The following TUSC3 variants were observed in gnomAD, a reference collection of about 807,000 sequenced individuals.
The protein encoded by TUSC3 is dolichyl-diphosphooligosaccharide--protein glycosyltransferase subunit TUSC3.
Under a neutral mutation model 44.8 loss-of-function variants are expected in TUSC3, and 45 were observed. The ratio of observed to expected loss-of-function variants is 1.00; its 90% CI spans 0.79 to 1.29. The LOEUF is 1.29. Ranked by LOEUF, TUSC3 falls within the 50% of genes most tolerant of loss-of-function variation. The pLI, the probability that TUSC3 is intolerant of heterozygous loss-of-function variation, is 0.00. For missense variants in TUSC3, 519 were observed against 437.9 expected (o/e 1.19, Z -1.65); for synonymous variants, 212 against 152.9 (o/e 1.39, Z -2.85).
chr8:15,473,621 T>A (rs1053742756), intron 1 of TUSC3, among the ~76,000 whole-genome samples: 4 of 151,750 alleles, frequency 2.6e-5, no homozygotes, highest in Non-Finnish European at 4.4e-5. Flanking sequence ...ACTCCGGGGG[T>A]GACATCATAT....
intron 1 of TUSC3, among the ~76,000 whole-genome samples, chr8:15,598,507 T>C (rs1296857171): frequency 1.3e-5 from 2 of 151,988 alleles, no homozygotes; most frequent in Non-Finnish European, 1.5e-5. Flanking sequence ...GGTTCATTCT[T>C]GGTGTTGTAT....
chr8:15,520,960 AC>A (rs1210625088), intron 2 of TUSC3, among the ~76,000 whole-genome samples: 1 of 152,342 alleles, frequency 6.6e-6, no homozygotes, highest in East Asian at 1.9e-4. Context: ...CAGTTATTTT[AC>A]TTGGAGATTG....
intron 1 of TUSC3, among the ~76,000 whole-genome samples, chr8:15,457,033 C>T (rs954386350): frequency 9.9e-5 from 15 of 151,892 alleles, no homozygotes; most frequent in African/African-American, 3.1e-4. Context: ...TCAAGAAAAG[C>T]AGAAACCATC....
chr8:15,807,199 T>C, the TUSC3 span: 2 of 733,706 alleles, frequency 2.7e-6, no homozygotes, highest in African/African-American at 1.7e-5. Flanking sequence ...CAACCTTGCA[T>C]GCTGCGTAGC....
intron 2 of TUSC3, among the ~76,000 whole-genome samples, chr8:15,514,165 T>C (rs10112847): frequency 0.96 from 146,557 of 152,118 alleles, 70,833 homozygotes; most frequent in East Asian, 1. Context: ...CGCCGCATTA[T>C]TTAAGGGAGT....
chr8:15,812,563 A>C, the TUSC3 span, among the ~76,000 whole-genome samples: 2 of 152,122 alleles, frequency 1.3e-5, no homozygotes, highest in African/African-American at 2.4e-5. Context: ...TTTCTCACTG[A>C]GCAAATACAT....
intron 7 of TUSC3, among the ~76,000 whole-genome samples, chr8:15,736,254 A>G (rs571919995): frequency 2.3e-4 from 35 of 152,292 alleles, no homozygotes; most frequent in African/African-American, 7.9e-4. Flanking sequence ...AGTGCAAATA[A>G]TTCTTCATTT....
At chr8:15,494,945 A>G (rs900049551) in intron 2 of TUSC3, among the ~76,000 whole-genome samples, 7 of 152,140 alleles carry the variant, frequency 4.6e-5, no homozygotes, top group Non-Finnish European at 7.3e-5. Flanking sequence ...TCTTAATAGC[A>G]AAAACATTGT....
intron 1 of TUSC3, among the ~76,000 whole-genome samples, chr8:15,466,319 C>T (rs1264602117): frequency 6.6e-6 from 1 of 152,084 alleles, no homozygotes; most frequent in Non-Finnish European, 1.5e-5. Flanking sequence ...GGCACTGAAG[C>T]AGTTATTTTT....
At position 15,664,251 on chromosome 8, in the gene TUSC3, A is replaced by G. The variant is rs1465836567; in HGVS notation, c.708+1955A>G. Among the ~76,000 whole-genome samples, 3 of 151,690 alleles carry G rather than the reference A, an allele frequency of 2.0e-5. No individual in the cohort carries two copies. The East Asian group carries it at 5.8e-4, about 29-fold the overall frequency. ...TCATTGATCTGATTGCAAGTTCTGT[A>G]TTGTTTACACAAAGCTGGGCTTCTT... is the stretch of plus-strand genomic sequence containing the variant. On this transcript the variant is annotated intron_variant, in intron 5 of 10. Coordinates refer to ENST00000503731, the MANE Select transcript of TUSC3 (RefSeq NM_006765.4).
At chr8:15,462,290 T>C (rs1433341957) in intron 1 of TUSC3, among the ~76,000 whole-genome samples, 1 of 152,082 alleles carries the variant, frequency 6.6e-6, no homozygotes, top group Admixed American at 6.6e-5. Flanking sequence ...ATCTAGAATA[T>C]ATAAACAACT....
chr8:15,704,858 G>C (rs959468755), intron 6 of TUSC3, among the ~76,000 whole-genome samples: 1 of 151,670 alleles, frequency 6.6e-6, no homozygotes, highest in Non-Finnish European at 1.5e-5. Context: ...GAATCAAAAG[G>C]GTTAAGTGAT....
At chr8:15,786,817 G>A in the TUSC3 span, among the ~76,000 whole-genome samples, 18 of 151,654 alleles carry the variant, frequency 1.2e-4, no homozygotes, top group East Asian at 3.9e-4. Flanking sequence ...GGTGGTGGGC[G>A]CCTGTAATCT....
At chr8:15,601,182 C>G (rs889122329) in intron 1 of TUSC3, among the ~76,000 whole-genome samples, 1 of 151,588 alleles carries the variant, frequency 6.6e-6, no homozygotes, top group Non-Finnish European at 1.5e-5. Context: ...AAACTCATTT[C>G]CAAAGAGTAT....
chr8:15,626,282 A>G (rs1269473203), intron 2 of TUSC3, among the ~76,000 whole-genome samples: 2 of 152,214 alleles, frequency 1.3e-5, no homozygotes, highest in South Asian at 2.1e-4. Flanking sequence ...CCCTGAAGCT[A>G]TGGGGGCCAC....
At chr8:15,485,191 C>G (rs1295366692) in intron 2 of TUSC3, among the ~76,000 whole-genome samples, 1 of 152,166 alleles carries the variant, frequency 6.6e-6, no homozygotes, top group Non-Finnish European at 1.5e-5. Context: ...TCTATAAGGA[C>G]ACCCTCACCA....
chr8:15,617,413 C>T (rs1362169335), intron 1 of TUSC3, among the ~76,000 whole-genome samples: 4 of 152,094 alleles, frequency 2.6e-5, no homozygotes, highest in Non-Finnish European at 4.4e-5. Flanking sequence ...GCTAGGATTA[C>T]AGGCGTGAGC....
chr8:15,673,978 A>C, intron 6 of TUSC3, 142 bp downstream of exon 6: 1 of 681,804 alleles, frequency 1.5e-6, no homozygotes, highest in Non-Finnish European at 2.5e-6. Flanking sequence ...TACCTGTGTC[A>C]CCTATATACA....
intron 1 of TUSC3, among the ~76,000 whole-genome samples, chr8:15,579,190 A>T (rs1314787666): frequency 6.8e-6 from 1 of 147,728 alleles, no homozygotes; most frequent in East Asian, 2.0e-4. Flanking sequence ...TATTGTGTCT[A>T]TTTGATTCTT....
Sources: gnomAD v4.1 joint callset for allele counts (sites outside exome capture counted in the v4.1 genomes callset) on GRCh38, gnomAD v4.1.1 for gene constraint, MANE v1.5 for transcripts, NCBI Gene and HGNC (gene_info 2026-07-23, HGNC 2026-07-21) for gene names.